The following AKAP11 variants were observed in gnomAD, a reference collection of about 807,000 sequenced individuals.
AKAP11 encodes A-kinase anchor protein 11.
AKAP11 carries 36 observed loss-of-function variants against 146.1 expected under a neutral mutation model. The ratio of observed to expected loss-of-function variants is 0.25; its 90% CI spans 0.19 to 0.33. The LOEUF (loss-of-function observed/expected upper bound fraction) is 0.33. AKAP11 is among the 10% of genes least tolerant of loss of function. The pLI is 1.00. For missense variants in AKAP11, 2,201 were observed against 2,197.0 expected, an observed-to-expected ratio of 1.00 and a Z score of -0.04; for synonymous variants, 780 against 786.5, an observed-to-expected ratio of 0.99 and a Z score of 0.14.
intron 1 of AKAP11, 109 bp downstream of exon 1, chr13:42,272,337 C>G (rs992522342): frequency 6.6e-6 from 1 of 152,178 alleles, no homozygotes; most frequent in African/African-American, 2.4e-5. Flanking sequence ...TCCAGCCCCT[C>G]CGCCTGCCGC....
Position 42,274,336 on chromosome 13 carries a change from A to G in AKAP11, c.-100+2108A>G, listed in dbSNP as rs563649242. 2.6e-4 allele frequency among the ~76,000 whole-genome samples: 40 copies of G among 152,282 alleles called. No homozygotes were observed. The Middle Eastern group carries it at 0.017, about 65-fold the overall frequency. ...TTATCAGTTTAAAAACAGCCTGGAA[A>G]GATCCAAGTGTCTCGATTCTCCCAG... On this transcript the variant is annotated intron_variant, in intron 1 of 12. Coordinates refer to ENST00000025301, the MANE Select transcript of AKAP11 (RefSeq NM_016248.4).
chr13:42,312,141 G>A (rs1034058021), intron 9 of AKAP11, among the ~76,000 whole-genome samples: 5 of 152,058 alleles, frequency 3.3e-5, no homozygotes, highest in Admixed American at 6.5e-5. Context: ...GGGAAAAATC[G>A]CTGCTTATCA....
chr13:42,279,101 A>C (rs1413475211), intron 1 of AKAP11, among the ~76,000 whole-genome samples: 2 of 152,024 alleles, frequency 1.3e-5, no homozygotes, highest in African/African-American at 4.8e-5. Context: ...CCATTTGGTT[A>C]TGATTTGCCT....
chr13:42,297,195 G>C lies in AKAP11; in HGVS notation c.351+13G>C. ...TCCTCTAAATCAGGTAACTTTTGTAGATAATTTCTAATGAGATTTTTAGGG... is the reference window on the plus strand; with the variant it reads ...TCCTCTAAATCAGGTAACTTTTGTACATAATTTCTAATGAGATTTTTAGGG... On this transcript the variant is annotated intron_variant, in intron 6 of 12. Transcript: ENST00000025301. 1 of 1,408,652 alleles carries C rather than the reference G, an allele frequency of 7.1e-7. No homozygotes were observed. The highest frequency in any genetic ancestry group is 9.4e-7 in the Non-Finnish European group (1 of 1,063,062). 87.3% of individuals were successfully genotyped at this position (1,408,652 alleles called of 1,614,324 possible). A position where few individuals can be genotyped will look rare whatever the true frequency, so the allele number is the denominator to read the frequency against.
rs774336963 is a variant in AKAP11, at chr13:42,321,823, T to G, written c.*2595T>G. On this transcript the variant is annotated 3_prime_UTR_variant, in exon 13 of 13. Transcript: ENST00000025301. Reference sequence around the variant, plus strand: ...CATTTTGGCCCTTACGAAATACGTCTTTTTCAGAACTGTTAAAGTTTTGAT... The same window carrying G: ...CATTTTGGCCCTTACGAAATACGTCGTTTTCAGAACTGTTAAAGTTTTGAT... 2 of 152,300 alleles carry G rather than the reference T, an allele frequency of 1.3e-5. No individual in the cohort carries two copies. Among genetic ancestry groups the G allele is most frequent in the East Asian group, 3.7e-4 (2 of 5,342 alleles). 9.4% of individuals were successfully genotyped at this position (152,300 alleles called of 1,614,324 possible). A position where few individuals can be genotyped will look rare whatever the true frequency, so the allele number is the denominator to read the frequency against.
chr13:42,287,145 A>G (rs1455577462), intron 3 of AKAP11, among the ~76,000 whole-genome samples: 3 of 152,154 alleles, frequency 2.0e-5, no homozygotes, highest in East Asian at 1.9e-4. Flanking sequence ...CAGTGTTCCT[A>G]TGAGCTTCTG....
At position 42,313,066 on chromosome 13, in the gene AKAP11, T is replaced by A. The variant is rs752440078; in HGVS notation, c.5293T>A (p.Trp1765Arg). ...TGGCAGTAATGGTAACAGCAGTAGC[T>A]GGAGCAGTCTTGGTTTAGAAGGAGA... ...LSESNGNSSS[W>R]SSLGLEGDLY... The change falls in exon 10 of 13, where the codon TGG becomes AGG. Residue 1765 changes from tryptophan (W) to arginine (R), a missense_variant. Transcript: ENST00000025301. 24 of 1,613,436 alleles carry A rather than the reference T, an allele frequency of 1.5e-5. No individual in the cohort carries two copies. The highest frequency in any genetic ancestry group is 3.4e-6 in the Non-Finnish European group (4 of 1,179,738).
At position 42,300,934 on chromosome 13, in the gene AKAP11, G is replaced by A. The variant is rs1399750875; in HGVS notation, c.2188G>A (p.Ala730Thr). 6.2e-7 allele frequency: 1 copy of A among 1,614,128 alleles called. No homozygotes were observed. Among genetic ancestry groups the A allele is most frequent in the Non-Finnish European group, 8.5e-7 (1 of 1,179,986 alleles). Residue 730 changes from alanine (A) to threonine (T), a missense_variant, in exon 8 of 13, where the codon GCA becomes ACA. Transcript: ENST00000025301. ...VSTDNIKYVS[A>T]ESVVPSTQAV... ...TACGGATAATATCAAGTATGTGAGT[G>A]CAGAAAGTGTAGTGCCATCGACACA...
chr13:42,315,716 T>C (rs1205911988), intron 11 of AKAP11, among the ~76,000 whole-genome samples: 1 of 152,218 alleles, frequency 6.6e-6, no homozygotes, highest in Non-Finnish European at 1.5e-5. Context: ...TACTGAGTTT[T>C]TGAGATTATA....
At position 42,301,497 on chromosome 13, in the gene AKAP11, A is replaced by G. The variant is rs780811160; in HGVS notation, c.2751A>G (p.Pro917=). ...AATCTTTAAAGGAGAAAACCCCTCCATTTTCCCACTGTGATCAGGCAGTGC... is the reference window on the plus strand; with the variant it reads ...AATCTTTAAAGGAGAAAACCCCTCCGTTTTCCCACTGTGATCAGGCAGTGC... ...LTKSLKEKTP[P]FSHCDQAVLQ... is the part of the protein sequence containing the mutation. Residue 917 remains proline, a synonymous_variant, in exon 8 of 13, where the codon CCA becomes CCG. Coordinates refer to ENST00000025301, the MANE Select transcript of AKAP11 (RefSeq NM_016248.4). 4 of 1,613,756 alleles carry G rather than the reference A, an allele frequency of 2.5e-6. No individual in the cohort carries two copies. The highest frequency in any genetic ancestry group is 1.1e-5 in the South Asian group (1 of 90,986).
chr13:42,293,814 G>A (rs1427376382), intron 4 of AKAP11, among the ~76,000 whole-genome samples: 1 of 152,166 alleles, frequency 6.6e-6, no homozygotes, highest in African/African-American at 2.4e-5. Context: ...AAACTTGAAG[G>A]AATAGATGGA....
At chr13:42,271,607 G>GT (rs1351053817), upstream of AKAP11, among the ~76,000 whole-genome samples, 2 of 152,218 alleles carry the variant, frequency 1.3e-5, no homozygotes, top group Non-Finnish European at 2.9e-5. Flanking sequence ...AAGGAGCCCA[G>GT]CTGGCCCCAG....
At chr13:42,272,009 G>C (rs1282469094), upstream of AKAP11, 1 of 151,208 alleles carries the variant, frequency 6.6e-6, no homozygotes, top group Non-Finnish European at 1.5e-5. Flanking sequence ...TCGCGAGAGA[G>C]AGTGGGAGGC....
intron 1 of AKAP11, among the ~76,000 whole-genome samples, chr13:42,282,593 T>G (rs1293146919): frequency 6.6e-6 from 1 of 152,198 alleles, no homozygotes; most frequent in Non-Finnish European, 1.5e-5. Context: ...TATAATTGTT[T>G]CTGTAATTGC....
At chr13:42,308,647 C>A in intron 9 of AKAP11, 38 bp downstream of exon 9, 1 of 1,516,174 alleles carries the variant, frequency 6.6e-7, no homozygotes. Context: ...TAGTTTAGGT[C>A]CTCAGATCTT....
chr13:42,303,801 T>C lies in AKAP11; in HGVS notation c.5055T>C (p.Ala1685=). ...TCGGACAGGAGGGTGCCAGCTTTGC[T>C]GAAAGCCTTGCCACAGAAACCATGA... ...SGIGQEGASF[A]ESLATETMTA... Residue 1685 remains alanine (A), a synonymous_variant, in exon 8 of 13, where the codon GCT becomes GCC. Coordinates refer to ENST00000025301, the MANE Select transcript of AKAP11 (RefSeq NM_016248.4). 6.2e-7 allele frequency: 1 copy of C among 1,609,948 alleles called. No homozygotes were observed. The highest frequency in any genetic ancestry group is 2.2e-5 in the East Asian group (1 of 44,828).
At position 42,300,216 on chromosome 13, in the gene AKAP11, CTA is replaced by C; in HGVS notation, c.1472_1473del (p.Tyr491CysfsTer7). 1 of 1,613,738 alleles carries C rather than the reference CTA, an allele frequency of 6.2e-7. No homozygotes were observed. Among genetic ancestry groups the C allele is most frequent in the Non-Finnish European group, 8.5e-7 (1 of 1,179,844 alleles). The stretch of plus-strand genomic sequence containing the variant: ...ATTCTGTTTATTACACCTATGAAGA[CTA>C]TGCAAAAAGCATTTCATGTGAAGTA... ...HDSVYYTYED[Y>X]AKSISCEVLG... On this transcript the variant is annotated frameshift_variant, in exon 8 of 13. Transcript: ENST00000025301. LOFTEE classifies it high-confidence loss of function.
Position 42,302,879 on chromosome 13 carries a change from C to T in AKAP11, c.4133C>T (p.Ser1378Leu). ...ANRLAYRSVKSGLQEAAKTTK... is the reference protein window; with the variant it reads ...ANRLAYRSVKLGLQEAAKTTK... ...AGGCTTGCCTACCGATCTGTTAAAT[C>T]AGGATTACAGGAAGCAGCTAAGACA... is the stretch of plus-strand genomic sequence containing the variant. The change falls in exon 8 of 13, where the codon TCA becomes TTA. Residue 1378 changes from serine (S) to leucine (L), a missense_variant. Around this residue, in one of 3 missense-constraint regions of AKAP11, gnomAD observed 1,867 missense variants for 1,833.5 expected, o/e 1.02. Transcript: ENST00000025301. The T allele has an allele frequency of 6.2e-7, 1 of 1,613,768 alleles. No homozygotes were observed.
chr13:42,320,263 TG>T lies in AKAP11; in HGVS notation c.*1036del, dbSNP rs1301218111. ...GAAAAAACCTCTACCAAGAATGTGG[TG>T]TTTTTTTTGTTTGTTTGTTTGTTTG... On this transcript the variant is annotated 3_prime_UTR_variant, in exon 13 of 13. Transcript: ENST00000025301. The T allele has an allele frequency of 2.1e-5, 3 of 144,632 alleles. No homozygotes were observed. Among genetic ancestry groups the T allele is most frequent in the Non-Finnish European group, 4.7e-5 (3 of 64,174 alleles). 9.0% of individuals were successfully genotyped at this position (144,632 alleles called of 1,614,324 possible).
Sources: allele counts gnomAD v4.1 joint callset (sites outside exome capture counted in the v4.1 genomes callset), GRCh38; gene constraint gnomAD v4.1.1; regional missense constraint gnomAD v4.1.1; transcripts MANE v1.5; gene names NCBI Gene and HGNC (gene_info 2026-07-23, HGNC 2026-07-21).